RMP64: variants seen among roughly 807,000 people sequenced by gnomAD.
RMP64 encodes the protein ribonuclease MRP subunit p64.
At chr3:113,011,051 A>G in the RMP64 span, 1 of 1,582,144 alleles carries the variant, frequency 6.3e-7, no homozygotes, top group Non-Finnish European at 8.6e-7. Context: ...TTACCTTTGA[A>G]GACTCTCTTA....
chr3:113,011,613 AAGACAGTCTACCAGGAAAG>A, the RMP64 span: 1 of 412,378 alleles, frequency 2.4e-6, no homozygotes, highest in East Asian at 3.5e-5. Flanking sequence ...AAAAAACTGT[AAGACAGTCTACCAGGAAAG>A]ATATATATAT....
the RMP64 span, chr3:113,005,905 T>C: frequency 6.2e-7 from 1 of 1,613,796 alleles, no homozygotes; most frequent in Non-Finnish European, 8.5e-7. Context: ...TATTCTGTGA[T>C]CTTCTCTGTC....
chr3:113,005,636 G>A, the RMP64 span: 3 of 1,613,850 alleles, frequency 1.9e-6, no homozygotes, highest in Non-Finnish European at 2.5e-6. Flanking sequence ...CCACGAATCA[G>A]TTTCATTTTC....
At chr3:113,007,921 A>C in the RMP64 span, among the ~76,000 whole-genome samples, 1 of 152,178 alleles carries the variant, frequency 6.6e-6, no homozygotes. Flanking sequence ...ATGGTTCCTG[A>C]ATGAGCTGAT....
At chr3:113,013,626 A>G in the RMP64 span, among the ~76,000 whole-genome samples, 1 of 152,118 alleles carries the variant, frequency 6.6e-6, no homozygotes, top group African/African-American at 2.4e-5. Flanking sequence ...CATTACTTTC[A>G]TTTTTAAATA....
the RMP64 span, chr3:113,017,683 T>C: frequency 3.1e-6 from 4 of 1,278,118 alleles, 1 homozygote; most frequent in Admixed American, 8.2e-5. Context: ...AAAAAAAGCA[T>C]CTTTCCTTAT....
the RMP64 span, chr3:113,011,544 C>A: frequency 1.5e-6 from 1 of 649,718 alleles, no homozygotes; most frequent in Non-Finnish European, 2.5e-6. Context: ...ATAGTGCACA[C>A]TTGCGAACAG....
chr3:113,010,484 C>A, the RMP64 span: 2 of 600,712 alleles, frequency 3.3e-6, no homozygotes, highest in East Asian at 2.8e-5. Context: ...ATTAAAAATC[C>A]CTTGCCTCTA....
the RMP64 span, among the ~76,000 whole-genome samples, chr3:113,012,207 T>C: frequency 2.0e-4 from 30 of 152,272 alleles, no homozygotes; most frequent in Admixed American, 2.0e-3. Flanking sequence ...GCAGTGGTGT[T>C]TGAGATGGAA....
At chr3:113,007,904 A>C in the RMP64 span, among the ~76,000 whole-genome samples, 2 of 152,128 alleles carry the variant, frequency 1.3e-5, no homozygotes, top group African/African-American at 4.8e-5. Flanking sequence ...CACACTAGAC[A>C]CTCTTAATGG....
At chr3:113,017,238 C>G in the RMP64 span, among the ~76,000 whole-genome samples, 1 of 152,082 alleles carries the variant, frequency 6.6e-6, no homozygotes, top group African/African-American at 2.4e-5. Flanking sequence ...AAACATACTT[C>G]TTTTCTAACA....
chr3:113,019,601 C>A, the RMP64 span: 5 of 1,613,918 alleles, frequency 3.1e-6, 1 homozygote, highest in South Asian at 5.5e-5. Context: ...CTTAGGGATT[C>A]TCACACGGTT....
the RMP64 span, among the ~76,000 whole-genome samples, chr3:113,007,979 T>C: frequency 2.6e-5 from 4 of 152,246 alleles, no homozygotes; most frequent in African/African-American, 9.6e-5. Context: ...TTAACTTGTT[T>C]ATCTTCTTCC....
chr3:113,019,460 C>T, the RMP64 span: 5 of 1,178,936 alleles, frequency 4.2e-6, no homozygotes, highest in Non-Finnish European at 6.1e-6. Flanking sequence ...AGTCCCGGTA[C>T]CACCCCCGCC....
the RMP64 span, chr3:113,003,213 G>A: frequency 6.6e-6 from 1 of 152,138 alleles, no homozygotes; most frequent in African/African-American, 2.4e-5. Flanking sequence ...GGGCATGGTG[G>A]TGCCTATAGT....
chr3:113,012,586 A>T, the RMP64 span: 3 of 509,642 alleles, frequency 5.9e-6, no homozygotes, highest in Non-Finnish European at 1.0e-5. Context: ...TTCCCAATCT[A>T]CCCTCAAAAA....
At chr3:113,011,333 C>G in the RMP64 span, 3 of 1,612,852 alleles carry the variant, frequency 1.9e-6, no homozygotes, top group East Asian at 4.5e-5. Flanking sequence ...TGAATCCTAG[C>G]GACCTCTTGA....
At chr3:113,008,608 C>T in the RMP64 span, 3 of 547,586 alleles carry the variant, frequency 5.5e-6, no homozygotes, top group Non-Finnish European at 9.7e-6. Context: ...ATGCTTATAA[C>T]AAAATACGTA....
the RMP64 span, chr3:113,010,762 C>A: frequency 2.8e-6 from 4 of 1,404,544 alleles, no homozygotes; most frequent in African/African-American, 4.3e-5. Context: ...TTCAAATCTA[C>A]AACAAATTCT....
Sources: allele counts gnomAD v4.1 joint callset (sites outside exome capture counted in the v4.1 genomes callset), GRCh38; gene constraint gnomAD v4.1.1; transcripts MANE v1.5; gene names NCBI Gene and HGNC (gene_info 2026-07-23, HGNC 2026-07-21).